The following IMMP2L variants were observed in gnomAD, a reference collection of about 807,000 sequenced individuals.
IMMP2L encodes the protein inner mitochondrial membrane peptidase subunit 2, also known as mitochondrial inner membrane protease subunit 2.
Under a neutral mutation model 19.3 loss-of-function variants are expected in IMMP2L, and 18 were observed. The ratio of observed to expected loss-of-function variants is 0.93; its 90% CI spans 0.64 to 1.38. The LOEUF (loss-of-function observed/expected upper bound fraction) is 1.38. Among genes scored for constraint, IMMP2L ranks in the 40% most tolerant of loss-of-function variants. The pLI is 0.00. For missense variants in IMMP2L, 233 were observed against 218.2 expected (o/e 1.07, Z -0.43); for synonymous variants, 76 against 73.0 (o/e 1.04, Z -0.21).
At chr7:110,673,249 G>T (rs1315892645) in intron 5 of IMMP2L, among the ~76,000 whole-genome samples, 1 of 152,222 alleles carries the variant, frequency 6.6e-6, no homozygotes, top group Non-Finnish European at 1.5e-5. Flanking sequence ...GCTGTACCTT[G>T]GCCCTTTTAG....
intron 3 of IMMP2L, among the ~76,000 whole-genome samples, chr7:111,111,288 G>A (rs1799160192): frequency 6.8e-6 from 1 of 146,568 alleles, no homozygotes; most frequent in Non-Finnish European, 1.5e-5. Flanking sequence ...GCTCTTCATG[G>A]GTAGCAGTTG....
intron 2 of IMMP2L, among the ~76,000 whole-genome samples, chr7:111,504,942 C>T (rs1844721131): frequency 2.0e-5 from 3 of 152,046 alleles, no homozygotes; most frequent in Admixed American, 1.3e-4. Flanking sequence ...ACACCAAAAG[C>T]AATGGCAACA....
At chr7:110,959,158 TA>T (rs2129555092) in intron 4 of IMMP2L, among the ~76,000 whole-genome samples, 1 of 152,038 alleles carries the variant, frequency 6.6e-6, no homozygotes, top group African/African-American at 2.4e-5. Flanking sequence ...AAATAAGTCC[TA>T]AAAAACAGGA....
In IMMP2L at chr7:110,980,762, T is replaced by C. The variant is rs551703914; in HGVS notation, c.240-17197A>G. ...GATGTTAATTTTTGGCATAATAAAA[T>C]TGTAAACTTTGTAGAGTTTGAAACA... On this transcript the variant is annotated intron_variant, in intron 3 of 5. Transcript: ENST00000405709. 5.9e-5 allele frequency among the ~76,000 whole-genome samples: 9 copies of C among 152,336 alleles called. No individual in the cohort carries two copies. The East Asian group carries it at 1.7e-3, about 29-fold the overall frequency.
chr7:110,690,222 G>T (rs1793397914), intron 5 of IMMP2L, among the ~76,000 whole-genome samples: 2 of 152,114 alleles, frequency 1.3e-5, no homozygotes, highest in Non-Finnish European at 2.9e-5. Flanking sequence ...TTCACATTTT[G>T]AGTGCATCGT....
At chr7:110,780,568 C>A (rs1039972115) in intron 5 of IMMP2L, among the ~76,000 whole-genome samples, 1 of 151,724 alleles carries the variant, frequency 6.6e-6, no homozygotes, top group Non-Finnish European at 1.5e-5. Flanking sequence ...CACAACCCTG[C>A]TTGCCTGATC....
At chr7:111,390,038 T>C (rs1489837853) in intron 3 of IMMP2L, among the ~76,000 whole-genome samples, 1 of 152,098 alleles carries the variant, frequency 6.6e-6, no homozygotes, top group Non-Finnish European at 1.5e-5. Flanking sequence ...AGTCACAAAA[T>C]AAGACCTATG....
chr7:110,772,701 C>G (rs1799115092), intron 5 of IMMP2L, among the ~76,000 whole-genome samples: 1 of 152,138 alleles, frequency 6.6e-6, no homozygotes, highest in Non-Finnish European at 1.5e-5. Flanking sequence ...AATAGCCAGG[C>G]CCCTTGACTG....
chr7:110,687,367 T>C (rs1047632059), intron 5 of IMMP2L, among the ~76,000 whole-genome samples: 1 of 152,158 alleles, frequency 6.6e-6, no homozygotes, highest in African/African-American at 2.4e-5. Flanking sequence ...CTGAGATGTC[T>C]ATAAGGGCCT....
chr7:111,031,787 G>C (rs542001924), intron 3 of IMMP2L, among the ~76,000 whole-genome samples: 1 of 152,110 alleles, frequency 6.6e-6, no homozygotes, highest in African/African-American at 2.4e-5. Flanking sequence ...GCAGAAACCT[G>C]GCAAACATTA....
chr7:110,871,349 G>A (rs1286326180), intron 5 of IMMP2L, among the ~76,000 whole-genome samples: 1 of 152,096 alleles, frequency 6.6e-6, no homozygotes, highest in Non-Finnish European at 1.5e-5. Flanking sequence ...GAGGGTTTAA[G>A]TATGGATGAA....
At chr7:111,452,859 A>G (rs1839335453) in intron 3 of IMMP2L, among the ~76,000 whole-genome samples, 1 of 152,148 alleles carries the variant, frequency 6.6e-6, no homozygotes, top group South Asian at 2.1e-4. Flanking sequence ...CTCCTAACAA[A>G]AAAATGTACA....
chr7:111,509,544 G>GTTGTGTGA (rs1845253944), intron 2 of IMMP2L, among the ~76,000 whole-genome samples: 8 of 152,164 alleles, frequency 5.3e-5, no homozygotes, highest in Non-Finnish European at 8.8e-5. Flanking sequence ...CAACCAATGA[G>GTTGTGTGA]TGAGTCAGAA....
intron 3 of IMMP2L, among the ~76,000 whole-genome samples, chr7:111,219,773 T>G (rs965045161): frequency 8.5e-5 from 10 of 117,876 alleles, no homozygotes; most frequent in Non-Finnish European, 1.6e-4. Context: ...AAGAAATTAA[T>G]CATGTTTTTT....
intron 3 of IMMP2L, among the ~76,000 whole-genome samples, chr7:111,338,823 T>C (rs1777742532): frequency 6.6e-6 from 1 of 152,120 alleles, no homozygotes; most frequent in South Asian, 2.1e-4. Flanking sequence ...TCTTGTCCCT[T>C]TGCCCCAATA....
At chr7:111,486,170 T>C (rs567422779) in intron 3 of IMMP2L, among the ~76,000 whole-genome samples, 1 of 152,326 alleles carries the variant, frequency 6.6e-6, no homozygotes, top group South Asian at 2.1e-4. Context: ...ATGTCTGCCA[T>C]ACAAAACTCC....
At chr7:110,733,750 A>G (rs1796432666) in intron 5 of IMMP2L, among the ~76,000 whole-genome samples, 1 of 152,040 alleles carries the variant, frequency 6.6e-6, no homozygotes, top group African/African-American at 2.4e-5. Context: ...GGATTAGTGT[A>G]CTTAGAAATG....
At chr7:110,985,485 A>T (rs1821762621) in intron 3 of IMMP2L, among the ~76,000 whole-genome samples, 1 of 152,136 alleles carries the variant, frequency 6.6e-6, no homozygotes, top group South Asian at 2.1e-4. Flanking sequence ...TGGTGTCACA[A>T]ATCAGGAACA....
At chr7:111,004,065 T>C (rs551919802) in intron 3 of IMMP2L, among the ~76,000 whole-genome samples, 46 of 152,090 alleles carry the variant, frequency 3.0e-4, no homozygotes, top group Non-Finnish European at 5.9e-4. Flanking sequence ...TGCATCCCAA[T>C]ATAGCTCAGT....
Sources: gnomAD v4.1 joint callset for allele counts (sites outside exome capture counted in the v4.1 genomes callset) on GRCh38, gnomAD v4.1.1 for gene constraint, MANE v1.5 for transcripts, NCBI Gene and HGNC (gene_info 2026-07-23, HGNC 2026-07-21) for gene names.